MCMDC2: variants seen among roughly 807,000 people sequenced by gnomAD.
The protein encoded by MCMDC2 is minichromosome maintenance domain containing 2.
MCMDC2 carries 54 observed loss-of-function variants against 75.8 expected under a neutral mutation model. The observed-to-expected ratio is 0.71, with a 90% CI of 0.57 to 0.89. The LOEUF (loss-of-function observed/expected upper bound fraction) is 0.89, where lower values mean the gene tolerates loss of function less well. Ranked by LOEUF, MCMDC2 falls within the 40% of genes least tolerant of loss-of-function variation. MCMDC2 has a pLI of 0.00. For missense variants in MCMDC2, 656 were observed against 780.4 expected (o/e 0.84, Z 1.90); for synonymous variants, 249 against 274.6 (o/e 0.91, Z 0.92).
rs1301048378 is a variant in MCMDC2 at position 66,919,821 on chromosome 8, T to C, written c.*652T>C. Reference sequence around the variant, plus strand: ...AACAAGGAGCCAATAACTTATAAATTGGCTCTCTAACCCTAACTGGTTACA... The same window carrying C: ...AACAAGGAGCCAATAACTTATAAATCGGCTCTCTAACCCTAACTGGTTACA... On this transcript the variant is annotated 3_prime_UTR_variant, in exon 15 of 15. Coordinates refer to ENST00000422365, the MANE Select transcript of MCMDC2 (RefSeq NM_173518.5). 1 of 152,166 alleles carries C rather than the reference T, an allele frequency of 6.6e-6. No homozygotes were observed. Among genetic ancestry groups the C allele is most frequent in the African/African-American group, 2.4e-5 (1 of 41,432 alleles). 9.4% of individuals were successfully genotyped at this position (152,166 alleles called of 1,614,324 possible).
intron 13 of MCMDC2, among the ~76,000 whole-genome samples, chr8:66,904,402 G>A (rs1812826615): frequency 6.6e-6 from 1 of 152,124 alleles, no homozygotes; most frequent in South Asian, 2.1e-4. Context: ...AGACCTGTGG[G>A]TAGAAATTGC....
At chr8:66,914,630 A>G (rs1585914507) in intron 14 of MCMDC2, among the ~76,000 whole-genome samples, 2 of 152,214 alleles carry the variant, frequency 1.3e-5, no homozygotes, top group East Asian at 1.9e-4. Flanking sequence ...TCCAAGTGCA[A>G]TGAGGAACAG....
intron 1 of MCMDC2, among the ~76,000 whole-genome samples, 179 bp from the exon 2 acceptor site, chr8:66,873,874 G>A (rs1019899444): frequency 2.6e-5 from 4 of 151,306 alleles, no homozygotes; most frequent in African/African-American, 9.7e-5. Flanking sequence ...GCAACAGAGC[G>A]AGACTCCATC....
chr8:66,874,854 G>T (rs975715805), intron 4 of MCMDC2, among the ~76,000 whole-genome samples: 2 of 151,888 alleles, frequency 1.3e-5, no homozygotes, highest in Non-Finnish European at 2.9e-5. Context: ...TGCCTCCCGG[G>T]TTCAAACAAT....
rs746020460 is a variant in MCMDC2, at chr8:66,878,611, A to G, written c.519A>G (p.Thr173=). ...TAAGAGTGCATGTGCCTGGTGCTAC[A>G]GAATCTGCAACGATAAGAAATGACT... ...QYIRVHVPGA[T]ESATIRNDFL... is the part of the protein sequence containing the mutation. The change falls in exon 6 of 15, where the codon ACA becomes ACG. Residue 173 remains threonine (T), a synonymous_variant. Coordinates refer to ENST00000422365, the MANE Select transcript of MCMDC2 (RefSeq NM_173518.5). 32 of 1,573,904 alleles carry G rather than the reference A, an allele frequency of 2.0e-5. No individual in the cohort carries two copies. Among genetic ancestry groups the G allele is most frequent in the Non-Finnish European group, 2.7e-5 (32 of 1,166,210 alleles).
chr8:66,897,547 G>A (rs1374682460), intron 12 of MCMDC2, among the ~76,000 whole-genome samples: 1 of 152,134 alleles, frequency 6.6e-6, no homozygotes, highest in Non-Finnish European at 1.5e-5. Flanking sequence ...AATCAGCACA[G>A]CTGAAAGAAT....
chr8:66,923,068 T>G (rs1401561889), downstream of MCMDC2, among the ~76,000 whole-genome samples: 1 of 152,198 alleles, frequency 6.6e-6, no homozygotes, highest in Non-Finnish European at 1.5e-5. Context: ...TATCCTTCAC[T>G]GTGGCAGTTT....
At chr8:66,913,673 G>A (rs1377308538) in intron 14 of MCMDC2, among the ~76,000 whole-genome samples, 1 of 152,040 alleles carries the variant, frequency 6.6e-6, no homozygotes, top group Non-Finnish European at 1.5e-5. Context: ...ACATTAAAAA[G>A]TGAACACATG....
intron 8 of MCMDC2, among the ~76,000 whole-genome samples, chr8:66,881,325 G>A (rs1811548034): frequency 6.6e-6 from 1 of 152,182 alleles, no homozygotes; most frequent in Non-Finnish European, 1.5e-5. Context: ...TTAGTCAAAG[G>A]ATTTTTCTAT....
intron 9 of MCMDC2, among the ~76,000 whole-genome samples, chr8:66,886,507 T>C (rs1441751461): frequency 6.6e-6 from 1 of 152,104 alleles, no homozygotes; most frequent in Non-Finnish European, 1.5e-5. Flanking sequence ...GCGCAGTGGC[T>C]CATGACTGTA....
intron 12 of MCMDC2, among the ~76,000 whole-genome samples, chr8:66,900,803 G>C (rs115788443): frequency 2.1e-3 from 320 of 152,270 alleles, no homozygotes; most frequent in African/African-American, 7.4e-3. Flanking sequence ...TTCTTTAAAA[G>C]GAAGGAAGGG....
At position 66,890,928 on chromosome 8, in the gene MCMDC2, T is replaced by G. The variant is rs1000961223; in HGVS notation, c.1137T>G (p.Ile379Met). The G allele has an allele frequency of 4.3e-6, 7 of 1,613,736 alleles. No individual in the cohort carries two copies. The highest frequency in any genetic ancestry group is 5.9e-6 in the Non-Finnish European group (7 of 1,179,974). Reference sequence around the variant, plus strand: ...TACGTCATCTAGTCTCTACTGAAATTTTTCCCACTCTATCCAGGAATAAGT... The same window carrying G: ...TACGTCATCTAGTCTCTACTGAAATGTTTCCCACTCTATCCAGGAATAAGT... Reference protein sequence around the residue: ...RGIRHLVSTEIFPTLSRNKYG... With the variant: ...RGIRHLVSTEMFPTLSRNKYG... The change falls in exon 10 of 15, where the codon ATT becomes ATG. Residue 379 changes from isoleucine (I) to methionine (M), a missense_variant. Transcript: ENST00000422365.
chr8:66,898,463 A>G (rs968213890), intron 12 of MCMDC2, among the ~76,000 whole-genome samples: 2 of 151,960 alleles, frequency 1.3e-5, no homozygotes, highest in African/African-American at 4.8e-5. Flanking sequence ...CGTCTCTACT[A>G]AAAATACAAA....
rs1812637584 is a variant in MCMDC2, at chr8:66,901,157, T to C, written c.1627-49T>C. The stretch of plus-strand genomic sequence containing the variant: ...CAGTATACTTTTGATTTCTGTTATA[T>C]TGATTCCATAATAAAGCTTGATTAT... On this transcript the variant is annotated intron_variant, in intron 12 of 14. Transcript: ENST00000422365. The C allele has an allele frequency of 3.6e-6, 5 of 1,384,882 alleles. No individual in the cohort carries two copies. In the Middle Eastern group the frequency reaches 5.4e-4, roughly 149 times the overall value. 85.8% of individuals were successfully genotyped at this position (1,384,882 alleles called of 1,614,324 possible). A position where few individuals can be genotyped will look rare whatever the true frequency, so the allele number is the denominator to read the frequency against.
chr8:66,897,430 A>G (rs796872447), intron 12 of MCMDC2, among the ~76,000 whole-genome samples: 19 of 151,886 alleles, frequency 1.3e-4, no homozygotes, highest in African/African-American at 4.6e-4. Flanking sequence ...AGAAAAAAAG[A>G]AAAAAGAAAG....
chr8:66,889,558 G>T (rs906824753), intron 9 of MCMDC2, among the ~76,000 whole-genome samples: 2 of 152,124 alleles, frequency 1.3e-5, no homozygotes, highest in South Asian at 2.1e-4. Context: ...CGCTTTTTGG[G>T]AGGCCAAGGC....
intron 14 of MCMDC2, among the ~76,000 whole-genome samples, chr8:66,906,538 G>T (rs527716986): frequency 2.0e-5 from 3 of 151,962 alleles, no homozygotes; most frequent in Non-Finnish European, 4.4e-5. Flanking sequence ...GTACACATGT[G>T]TGTGCCTTAT....
At chr8:66,906,365 T>C (rs1812903867) in intron 14 of MCMDC2, among the ~76,000 whole-genome samples, 1 of 152,192 alleles carries the variant, frequency 6.6e-6, no homozygotes, top group Non-Finnish European at 1.5e-5. Flanking sequence ...GTAATACCTG[T>C]TTGCAGAGAT....
chr8:66,878,951 T>A lies in MCMDC2; in HGVS notation c.709+32T>A. On this transcript the variant is annotated intron_variant, in intron 7 of 14. Coordinates refer to ENST00000422365, the MANE Select transcript of MCMDC2 (RefSeq NM_173518.5). ...GAATTCTGTTTGAACTAAAAAAAAA[T>A]TGCTATAAATATGTAATTGGCTGGG... 4 of 1,338,456 alleles carry A rather than the reference T, an allele frequency of 3.0e-6. No homozygotes were observed. The South Asian group carries it at 4.8e-5, about 16-fold the overall frequency. The allele number at this position is 1,338,456 out of a possible 1,614,324, so 82.9% of individuals were successfully genotyped here. A position where few individuals can be genotyped will look rare whatever the true frequency, so the allele number is the denominator to read the frequency against.
Sources: allele counts gnomAD v4.1 joint callset (sites outside exome capture counted in the v4.1 genomes callset), GRCh38; gene constraint gnomAD v4.1.1; transcripts MANE v1.5; gene names NCBI Gene and HGNC (gene_info 2026-07-23, HGNC 2026-07-21).